PRKN: variants seen among roughly 807,000 people sequenced by gnomAD.
The protein encoded by PRKN is parkin RBR E3 ubiquitin protein ligase.
PRKN carries 56 observed loss-of-function variants against 59.5 expected under a neutral mutation model. The observed-to-expected ratio is 0.94, with a 90% confidence interval of 0.76 to 1.18. PRKN has a LOEUF of 1.18. Ranked by LOEUF, PRKN falls within the 50% of genes most tolerant of loss-of-function variation. PRKN has a pLI of 0.00. For missense variants in PRKN, 657 were observed against 596.4 expected (o/e 1.10, Z -1.06); for synonymous variants, 250 against 222.1 (o/e 1.13, Z -1.12).
At chr6:161,532,432 T>C (rs1181880622) in intron 9 of PRKN, among the ~76,000 whole-genome samples, 3 of 151,972 alleles carry the variant, frequency 2.0e-5, no homozygotes, top group Admixed American at 1.3e-4. Flanking sequence ...GTAGTGTGTG[T>C]GTGTGAGTGT....
rs1449290513 is a variant in PRKN at position 161,399,927 on chromosome 6, A to C, written c.1084-13050T>G. On this transcript the variant is annotated intron_variant, in intron 9 of 11. Coordinates refer to ENST00000366898, the MANE Select transcript of PRKN (RefSeq NM_004562.3). The surrounding 1 kb of genome is among the most constrained non-coding windows in gnomAD (Gnocchi z 4.4). ...ATATTTTACTTAACTAAATATATTC[A>C]AAATTGTATCATTTCAACATGCAAT... 6.6e-6 allele frequency among the ~76,000 whole-genome samples: 1 copy of C among 152,230 alleles called. No homozygotes were observed. Among genetic ancestry groups the C allele is most frequent in the Non-Finnish European group, 1.5e-5 (1 of 68,048 alleles).
Position 161,573,503 on chromosome 6 carries a change from G to C in PRKN, c.872-4087C>G, listed in dbSNP as rs1218163078. Among the ~76,000 whole-genome samples the C allele has an allele frequency of 2.0e-5, 3 of 151,138 alleles. No individual in the cohort carries two copies. The East Asian group carries it at 5.9e-4, about 30-fold the overall frequency. On this transcript the variant is annotated intron_variant, in intron 7 of 11. Coordinates refer to ENST00000366898, the MANE Select transcript of PRKN (RefSeq NM_004562.3). ...TGGGAGGCAGAGGCAGGCAGATCAC[G>C]AGGTCAGGAGATTGAGACCATCGTG...
intron 5 of PRKN, among the ~76,000 whole-genome samples, chr6:162,036,673 G>T (rs115113391): frequency 6.6e-6 from 1 of 151,934 alleles, no homozygotes; most frequent in Non-Finnish European, 1.5e-5. Context: ...GAGCCACCAC[G>T]CCTGGCCATC....
At position 162,262,783 on chromosome 6, in the gene PRKN, A is replaced by AAC; in HGVS notation, c.172-19_172-18insGT. 6.1e-6 allele frequency: 1 copy of AAC among 163,350 alleles called. No individual in the cohort carries two copies. The allele number at this position is 163,350 out of a possible 1,614,324, so 10.1% of individuals were successfully genotyped here. On this transcript the variant is annotated intron_variant, in intron 2 of 11. Coordinates refer to ENST00000366898, the MANE Select transcript of PRKN (RefSeq NM_004562.3). ...TCACAATTCTGTTTGGGAGCAAGGTAAAAAAAAAAAAAAAAAAAAAGGAAA... is the reference window on the plus strand; with the variant it reads ...TCACAATTCTGTTTGGGAGCAAGGTAACAAAAAAAAAAAAAAAAAAAAGGAAA...
chr6:161,749,380 A>T (rs9346878), intron 7 of PRKN, among the ~76,000 whole-genome samples: 58,836 of 152,058 alleles, frequency 0.39, 11,812 homozygotes, highest in Admixed American at 0.55. Context: ...CCTTACATAT[A>T]AATCTATAAT....
intron 2 of PRKN, among the ~76,000 whole-genome samples, chr6:162,301,033 GATAAT>G (rs1781921847): frequency 6.6e-6 from 1 of 151,416 alleles, no homozygotes; most frequent in East Asian, 1.9e-4. Flanking sequence ...GAAAAAAAGA[GATAAT>G]ATATTTATCT....
rs1779508548 is a variant in PRKN, at chr6:161,538,626, C to T, written c.1083+10228G>A. On this transcript the variant is annotated intron_variant, in intron 9 of 11. Coordinates refer to ENST00000366898, the MANE Select transcript of PRKN (RefSeq NM_004562.3). The surrounding 1 kb of genome is among the most constrained non-coding windows in gnomAD (Gnocchi z 4.2). ...ACTTCAACTGGTAGAATCCTGGGGCCCACTGAGATGCCAAGCGGAGAAGGA... is the reference window on the plus strand; with the variant it reads ...ACTTCAACTGGTAGAATCCTGGGGCTCACTGAGATGCCAAGCGGAGAAGGA... Among the ~76,000 whole-genome samples the T allele has an allele frequency of 6.6e-6, 1 of 150,928 alleles. No individual in the cohort carries two copies. The highest frequency in any genetic ancestry group is 2.1e-4 in the South Asian group (1 of 4,790).
Position 161,922,129 on chromosome 6 carries a change from A to G in PRKN, c.734+51173T>C, listed in dbSNP as rs541822349. On this transcript the variant is annotated intron_variant, in intron 6 of 11. Coordinates refer to ENST00000366898, the MANE Select transcript of PRKN (RefSeq NM_004562.3). ...AATACATTATTACCATTTTGTTGCC[A>G]CTCAGGATTCAAACAAAAGAGACTC... Among the ~76,000 whole-genome samples the G allele has an allele frequency of 4.6e-5, 7 of 152,304 alleles. No individual in the cohort carries two copies. In the South Asian group the frequency reaches 6.2e-4, roughly 14 times the overall value.
intron 2 of PRKN, among the ~76,000 whole-genome samples, chr6:162,303,216 A>C (rs1165166002): frequency 6.6e-6 from 1 of 152,210 alleles, no homozygotes; most frequent in Non-Finnish European, 1.5e-5. Context: ...AAGTTCCATA[A>C]GTACTATGCC....
intron 7 of PRKN, among the ~76,000 whole-genome samples, chr6:161,680,196 G>T (rs1785264824): frequency 6.6e-6 from 1 of 152,144 alleles, no homozygotes; most frequent in African/African-American, 2.4e-5. Flanking sequence ...AGGATGTGAA[G>T]GAACATTTCC....
chr6:162,368,622 G>A lies in PRKN; in HGVS notation c.171+74688C>T, dbSNP rs12529785. On this transcript the variant is annotated intron_variant, in intron 2 of 11. Transcript: ENST00000366898. Reference sequence around the variant, plus strand: ...GAGCTGGGTTGGCAGTGACAGAAATGCTTATGCAAACACAGGCTGACTTCT... The same window carrying A: ...GAGCTGGGTTGGCAGTGACAGAAATACTTATGCAAACACAGGCTGACTTCT... 7.5e-3 allele frequency among the ~76,000 whole-genome samples: 1,139 copies of A among 152,262 alleles called. 6 individuals are homozygous for A. Among genetic ancestry groups the A allele is most frequent in the Middle Eastern group, 0.014 (4 of 294 alleles).
At chr6:162,221,340 T>C (rs1777925792) in intron 3 of PRKN, among the ~76,000 whole-genome samples, 1 of 152,150 alleles carries the variant, frequency 6.6e-6, no homozygotes, top group African/African-American at 2.4e-5. Context: ...TGTCACTGAG[T>C]ATATGTGTCA....
chr6:162,458,444 A>T (rs9347647), intron 1 of PRKN, among the ~76,000 whole-genome samples: 82,025 of 137,368 alleles, frequency 0.6, 24,574 homozygotes, highest in East Asian at 0.67. Flanking sequence ...AAAAAAAAAA[A>T]TTTTTTTTAA....
At chr6:161,718,134 C>T (rs564083465) in intron 7 of PRKN, among the ~76,000 whole-genome samples, 7 of 152,136 alleles carry the variant, frequency 4.6e-5, no homozygotes, top group Non-Finnish European at 7.4e-5. Flanking sequence ...TCTTTTTTCA[C>T]TGCCCTTAGT....
At chr6:161,652,901 T>C (rs149107676) in intron 7 of PRKN, among the ~76,000 whole-genome samples, 2 of 152,332 alleles carry the variant, frequency 1.3e-5, no homozygotes, top group African/African-American at 2.4e-5. Flanking sequence ...CAATTCAACA[T>C]AGTTTTTCAA....
At chr6:161,739,348 C>T (rs1454053695) in intron 7 of PRKN, among the ~76,000 whole-genome samples, 1 of 151,998 alleles carries the variant, frequency 6.6e-6, no homozygotes, top group Non-Finnish European at 1.5e-5. Flanking sequence ...ATGGAGGTTG[C>T]GGTGAGCTGA....
chr6:162,575,943 G>A (rs139628532), intron 1 of PRKN, among the ~76,000 whole-genome samples: 25 of 152,230 alleles, frequency 1.6e-4, no homozygotes, highest in Non-Finnish European at 2.9e-4. Context: ...ATTCAGTTTT[G>A]CATTCTGTAG....
intron 5 of PRKN, among the ~76,000 whole-genome samples, chr6:161,997,776 G>A (rs1437270804): frequency 2.6e-5 from 4 of 152,112 alleles, no homozygotes; most frequent in Admixed American, 2.6e-4. Flanking sequence ...AACTCAAGTT[G>A]GACAGAGTTA....
At chr6:162,235,965 G>GAAAAAGAAAGAAAGAAAGAAAGA (rs751590630) in intron 3 of PRKN, among the ~76,000 whole-genome samples, 1,938 of 93,514 alleles carry the variant, frequency 0.021, 89 homozygotes, top group East Asian at 0.1. Context: ...AAGGAAGAAA[G>GAAAAAGAAAGAAAGAAAGAAAGA]AAAGAAAGAA....
Sources: allele counts gnomAD v4.1 joint callset (sites outside exome capture counted in the v4.1 genomes callset), GRCh38; gene constraint gnomAD v4.1.1; non-coding constraint Gnocchi (gnomAD v3.1); transcripts MANE v1.5; gene names NCBI Gene and HGNC (gene_info 2026-07-23, HGNC 2026-07-21).